Variants in IFI27L1 observed in about 807,000 individuals in gnomAD.
The protein encoded by IFI27L1 is interferon alpha inducible protein 27 like 1.
Under a neutral mutation model 9.2 loss-of-function variants are expected in IFI27L1, and 3 were observed. That is an observed-to-expected ratio of 0.32 (90% CI 0.15 to 0.84). The LOEUF is 0.84. Among genes scored for constraint, IFI27L1 ranks in the 40% least tolerant of loss-of-function variants. The pLI, the probability that IFI27L1 is intolerant of heterozygous loss-of-function variation, is 0.56. For missense variants in IFI27L1, 133 were observed against 134.2 expected (o/e 0.99, Z 0.05); for synonymous variants, 53 against 50.0 (o/e 1.06, Z -0.26).
intron 1 of IFI27L1, among the ~76,000 whole-genome samples, chr14:94,096,499 G>T (rs1324175938): frequency 6.6e-6 from 1 of 152,140 alleles, no homozygotes; most frequent in Admixed American, 6.5e-5. Flanking sequence ...TTCGAGACCA[G>T]CCTGACCAAC....
chr14:94,086,407 T>C (rs999117452), intron 1 of IFI27L1, among the ~76,000 whole-genome samples: 4 of 152,212 alleles, frequency 2.6e-5, no homozygotes, highest in Non-Finnish European at 5.9e-5. Context: ...AAGAATTGCC[T>C]AATATAATGA....
intron 1 of IFI27L1, among the ~76,000 whole-genome samples, chr14:94,090,715 C>T (rs1886447728): frequency 6.6e-6 from 1 of 152,174 alleles, no homozygotes; most frequent in African/African-American, 2.4e-5. Context: ...CTTTTATTGG[C>T]TCTATAAGTC....
intron 2 of IFI27L1, among the ~76,000 whole-genome samples, chr14:94,098,845 C>T (rs1189736668): frequency 6.6e-6 from 1 of 152,214 alleles, no homozygotes; most frequent in Non-Finnish European, 1.5e-5. Flanking sequence ...GACCCTCCCA[C>T]TAACCCTGTG....
intron 1 of IFI27L1, 161 bp from the exon 2 acceptor site, chr14:94,096,726 A>T: frequency 2.1e-6 from 1 of 479,628 alleles, no homozygotes; most frequent in Non-Finnish European, 3.8e-6. Flanking sequence ...TATGCTTTAA[A>T]TACTTAGGGT....
intron 1 of IFI27L1, among the ~76,000 whole-genome samples, chr14:94,093,089 C>T (rs1886538167): frequency 6.6e-6 from 1 of 152,022 alleles, no homozygotes; most frequent in African/African-American, 2.4e-5. Context: ...ATTACTTTTC[C>T]CCTCAAAATG....
At chr14:94,084,767 G>A (rs1886223570) in intron 1 of IFI27L1, among the ~76,000 whole-genome samples, 1 of 152,206 alleles carries the variant, frequency 6.6e-6, no homozygotes, top group African/African-American at 2.4e-5. Context: ...TGCACAGCTA[G>A]AGAAACAGAG....
chr14:94,091,836 A>T (rs1375060290), intron 1 of IFI27L1, among the ~76,000 whole-genome samples: 1 of 152,134 alleles, frequency 6.6e-6, no homozygotes. Flanking sequence ...ATATAACATG[A>T]AAATCAGCTG....
intron 1 of IFI27L1, among the ~76,000 whole-genome samples, chr14:94,082,959 G>A (rs1204206971): frequency 6.6e-6 from 1 of 152,236 alleles, no homozygotes. Context: ...GTAAGGCTAT[G>A]GCTGCCATAG....
intron 1 of IFI27L1, among the ~76,000 whole-genome samples, chr14:94,084,456 C>T (rs1886213238): frequency 6.6e-6 from 1 of 152,158 alleles, no homozygotes; most frequent in African/African-American, 2.4e-5. Context: ...GAGCCATGTT[C>T]ATGCTGCTGC....
rs1886943182 is a variant in IFI27L1, at chr14:94,102,547, G to A, written c.294G>A (p.Leu98=). 8.2e-6 allele frequency: 13 copies of A among 1,579,178 alleles called. No individual in the cohort carries two copies. The highest frequency in any genetic ancestry group is 1.1e-5 in the Non-Finnish European group (13 of 1,162,086). The change falls in exon 5 of 5, where the codon CTG becomes CTA. Residue 98 remains leucine (L), a synonymous_variant. Coordinates refer to ENST00000555523, the MANE Select transcript of IFI27L1 (RefSeq NM_206949.3). ...CTGGGACAGCTCTTGGGGCCTGGCT[G>A]GGTTCACCCCCTTCCAGCTGAACAC... ...GFAGTALGAW[L]GSPPSS
chr14:94,082,215 C>G (rs1886130977), intron 1 of IFI27L1, among the ~76,000 whole-genome samples: 1 of 152,162 alleles, frequency 6.6e-6, no homozygotes, highest in African/African-American at 2.4e-5. Flanking sequence ...CCCCTAAACC[C>G]AAAACCGAAT....
rs537629187 is a variant in IFI27L1, at chr14:94,096,261, C to T, written c.-51-626C>T. 2.7e-4 allele frequency among the ~76,000 whole-genome samples: 41 copies of T among 152,304 alleles called. 1 individual carries two copies. In the South Asian group the frequency reaches 7.9e-3, roughly 29 times the overall value. ...TTTTAGGCAGATGGATGGGTAAACA[C>T]CATGACTTTTCCCTGTACCACAGCA... On this transcript the variant is annotated intron_variant, in intron 1 of 4. Transcript: ENST00000555523.
chr14:94,093,227 C>T (rs1372219033), intron 1 of IFI27L1, among the ~76,000 whole-genome samples: 1 of 139,564 alleles, frequency 7.2e-6, no homozygotes, highest in Non-Finnish European at 1.5e-5. Context: ...AGTGCAGTGG[C>T]ATCATCTCAG....
intron 1 of IFI27L1, among the ~76,000 whole-genome samples, chr14:94,081,795 G>A (rs1567064814): frequency 6.6e-6 from 1 of 152,188 alleles, no homozygotes; most frequent in Non-Finnish European, 1.5e-5. Context: ...TAAATGTTGT[G>A]TGTGTTCAGA....
intron 1 of IFI27L1, among the ~76,000 whole-genome samples, chr14:94,095,765 C>T (rs1021363511): frequency 6.6e-6 from 1 of 152,078 alleles, no homozygotes; most frequent in African/African-American, 2.4e-5. Flanking sequence ...GGATTTTCCC[C>T]CATGACCTGA....
intron 2 of IFI27L1, 21 bp downstream of exon 2, chr14:94,096,986 TG>T: frequency 2.5e-6 from 4 of 1,600,810 alleles, no homozygotes; most frequent in Non-Finnish European, 1.7e-6. Flanking sequence ...CACATGATTC[TG>T]GGGGCTGCTG....
chr14:94,088,379 G>A (rs1347937797), intron 1 of IFI27L1: 14 of 701,772 alleles, frequency 2.0e-5, no homozygotes, highest in Middle Eastern at 4.6e-4. Context: ...TCCCAGTTTC[G>A]TGATCATGGC....
Position 94,096,969 on chromosome 14 carries a change from G to C in IFI27L1, c.28+4G>C. The C allele has an allele frequency of 2.5e-6, 4 of 1,611,648 alleles. No homozygotes were observed. The highest frequency in any genetic ancestry group is 3.4e-6 in the Non-Finnish European group (4 of 1,178,592). On this transcript the variant is annotated splice_donor_region_variant and intron_variant, in intron 2 of 4. Coordinates refer to ENST00000555523, the MANE Select transcript of IFI27L1 (RefSeq NM_206949.3). ...AAGGAGAGTGGATGGGACTCAGGTG[G>C]GTACTGCACATGATTCTGGGGGCTG...
At chr14:94,089,661 T>C (rs1886404312) in intron 1 of IFI27L1, among the ~76,000 whole-genome samples, 1 of 152,192 alleles carries the variant, frequency 6.6e-6, no homozygotes. Context: ...TGCAGCCTAG[T>C]AGGTCTCAGC....
Sources: gnomAD v4.1 joint callset for allele counts (sites outside exome capture counted in the v4.1 genomes callset) on GRCh38, gnomAD v4.1.1 for gene constraint, MANE v1.5 for transcripts, NCBI Gene and HGNC (gene_info 2026-07-23, HGNC 2026-07-21) for gene names.